BCAT1: variants seen among roughly 807,000 people sequenced by gnomAD.
BCAT1 encodes the protein branched chain amino acid transaminase 1, also known as branched-chain-amino-acid aminotransferase, cytosolic.
In BCAT1, 48 loss-of-function variants were observed where a neutral mutation model predicts 52.4. The ratio of observed to expected loss-of-function variants is 0.92; its 90% confidence interval spans 0.73 to 1.16. The LOEUF (loss-of-function observed/expected upper bound fraction) is 1.16, where lower values mean the gene tolerates loss of function less well. Ranked by LOEUF, BCAT1 falls within the 50% of genes most tolerant of loss-of-function variation. BCAT1 has a pLI of 0.00. For synonymous variants in BCAT1, 167 were observed against 161.3 expected, an observed-to-expected ratio of 1.04 and a Z score of -0.27; for missense variants, 451 against 457.1, an observed-to-expected ratio of 0.99 and a Z score of 0.12.
At chr12:24,827,266 G>A (rs1282708262) in intron 10 of BCAT1, among the ~76,000 whole-genome samples, 1 of 151,980 alleles carries the variant, frequency 6.6e-6, no homozygotes, top group African/African-American at 2.4e-5. Context: ...ATTATTTTCA[G>A]ATTTACTCAG....
rs939042683 is a variant in BCAT1 at position 24,814,334 on chromosome 12, C to A, written c.*3674G>T. On this transcript the variant is annotated 3_prime_UTR_variant, in exon 11 of 11. Transcript: ENST00000261192. ...TTGCTCTAAATGTTTTAGAAACTAT[C>A]ACTCTTTGAAAGTGAACAAACAATG... 6.6e-6 allele frequency: 1 copy of A among 151,782 alleles called. No individual in the cohort carries two copies. The highest frequency in any genetic ancestry group is 6.6e-5 in the Admixed American group (1 of 15,206). The allele number at this position is 151,782 out of a possible 1,614,324, so 9.4% of individuals were successfully genotyped here.
At position 24,821,286 on chromosome 12, in the gene BCAT1, A is replaced by G. The variant is rs117655895; in HGVS notation, c.1120-3237T>C. Among the ~76,000 whole-genome samples, 269 of 152,318 alleles carry G rather than the reference A, an allele frequency of 1.8e-3. 1 individual carries two copies. The highest frequency in any genetic ancestry group is 0.013 in the South Asian group (61 of 4,824). ...AATTCTATCTGGTGACCTGCAATCA[A>G]TACAGATCCTGCTCCTATCTCATTC... On this transcript the variant is annotated intron_variant, in intron 10 of 10. Coordinates refer to ENST00000261192, the MANE Select transcript of BCAT1 (RefSeq NM_005504.7).
intron 2 of BCAT1, among the ~76,000 whole-genome samples, chr12:24,897,794 C>G (rs1942993785): frequency 6.6e-6 from 1 of 151,984 alleles, no homozygotes; most frequent in Non-Finnish European, 1.5e-5. Flanking sequence ...CCTCAGGTGA[C>G]CCACCCACCT....
chr12:24,868,433 T>C (rs1942088264), intron 5 of BCAT1, among the ~76,000 whole-genome samples: 1 of 152,150 alleles, frequency 6.6e-6, no homozygotes, highest in Admixed American at 6.5e-5. Flanking sequence ...GTTCATAGTA[T>C]CACCACTATT....
chr12:24,818,198 CT>C, intron 10 of BCAT1, 149 bp from the exon 11 acceptor site: 1 of 738,708 alleles, frequency 1.4e-6, no homozygotes, highest in Non-Finnish European at 2.3e-6. Flanking sequence ...ACATTAAAAA[CT>C]GGATTAGAGA....
chr12:24,884,127 A>G (rs1441393402), intron 3 of BCAT1, among the ~76,000 whole-genome samples: 2 of 152,240 alleles, frequency 1.3e-5, no homozygotes, highest in Non-Finnish European at 2.9e-5. Context: ...TGAATCGATA[A>G]AGAAAATGTG....
rs368852154 is a variant in BCAT1, at chr12:24,866,276, G to A, written c.510+12254C>T. Reference sequence around the variant, plus strand: ...CCAGCAGTGCTGGCCCACCGGCGCCGCGCTAGATTTCTCGCCGGGCCAGAT... The same window carrying A: ...CCAGCAGTGCTGGCCCACCGGCGCCACGCTAGATTTCTCGCCGGGCCAGAT... On this transcript the variant is annotated intron_variant, in intron 5 of 10. Coordinates refer to ENST00000261192, the MANE Select transcript of BCAT1 (RefSeq NM_005504.7). 2.5e-4 allele frequency among the ~76,000 whole-genome samples: 38 copies of A among 152,350 alleles called. No individual in the cohort carries two copies. In the East Asian group the frequency reaches 4.8e-3, roughly 19 times the overall value.
At chr12:24,861,530 G>C (rs112506935) in intron 5 of BCAT1, among the ~76,000 whole-genome samples, 4,655 of 152,236 alleles carry the variant, frequency 0.031, 123 homozygotes, top group Non-Finnish European at 0.043. Flanking sequence ...TCACCATACT[G>C]ATGCTTTCTC....
intron 1 of BCAT1, among the ~76,000 whole-genome samples, chr12:24,925,446 T>TTATAGA (rs935677645): frequency 1.3e-5 from 2 of 152,248 alleles, no homozygotes; most frequent in East Asian, 3.9e-4. Context: ...GATAGAAAGA[T>TTATAGA]TATAGATATA....
chr12:24,844,638 C>T lies in BCAT1; in HGVS notation c.675-2414G>A, dbSNP rs192525337. 4.0e-3 allele frequency among the ~76,000 whole-genome samples: 613 copies of T among 151,968 alleles called. 5 individuals are homozygous for T. Among genetic ancestry groups the T allele is most frequent in the African/African-American group, 0.014 (577 of 41,464 alleles). On this transcript the variant is annotated intron_variant, in intron 6 of 10. Transcript: ENST00000261192. Reference sequence around the variant, plus strand: ...AAAGGGCCAGGCGCGGTGGCTCACGCCTGTAATCCCAGCACTTTGGGAGGC... The same window carrying T: ...AAAGGGCCAGGCGCGGTGGCTCACGTCTGTAATCCCAGCACTTTGGGAGGC...
chr12:24,825,135 G>A (rs940167103), intron 10 of BCAT1, among the ~76,000 whole-genome samples: 352 of 146,548 alleles, frequency 2.4e-3, no homozygotes, highest in African/African-American at 7.9e-3. Flanking sequence ...GTGTGTGTGT[G>A]TATATATATA....
At chr12:24,826,317 G>A (rs1378482695) in intron 10 of BCAT1, among the ~76,000 whole-genome samples, 2 of 152,146 alleles carry the variant, frequency 1.3e-5, no homozygotes, top group African/African-American at 2.4e-5. Context: ...TTCTGTGTAT[G>A]GTAAGAGAAG....
chr12:24,890,180 T>A lies in BCAT1; in HGVS notation c.279+4095A>T, dbSNP rs116405538. 7.5e-3 allele frequency among the ~76,000 whole-genome samples: 1,141 copies of A among 152,288 alleles called. 9 individuals carry two copies. Among genetic ancestry groups the A allele is most frequent in the African/African-American group, 0.027 (1,103 of 41,554 alleles). On this transcript the variant is annotated intron_variant, in intron 3 of 10. Coordinates refer to ENST00000261192, the MANE Select transcript of BCAT1 (RefSeq NM_005504.7). ...GTCATGGGAACTCCAACTTGATGCC[T>A]CTCAGTCAGACATTCCAGAGGACAG...
chr12:24,835,763 G>A (rs1035558843), intron 8 of BCAT1, among the ~76,000 whole-genome samples: 1 of 151,782 alleles, frequency 6.6e-6, no homozygotes, highest in African/African-American at 2.4e-5. Context: ...TAATGTTTTT[G>A]ATTTTTTTGT....
intron 5 of BCAT1, among the ~76,000 whole-genome samples, chr12:24,858,378 G>C (rs1031097081): frequency 6.6e-6 from 1 of 152,176 alleles, no homozygotes; most frequent in Admixed American, 6.5e-5. Context: ...GGGAAATAAA[G>C]AGAATCAAAT....
Position 24,813,943 on chromosome 12 carries a change from T to G in BCAT1, c.*4065A>C, listed in dbSNP as rs575046213. Reference sequence around the variant, plus strand: ...TTCTTAAAACTAACTTCCTAATCTCTATTGTTGGTTATGTCAACATTTATC... The same window carrying G: ...TTCTTAAAACTAACTTCCTAATCTCGATTGTTGGTTATGTCAACATTTATC... On this transcript the variant is annotated 3_prime_UTR_variant, in exon 11 of 11. Coordinates refer to ENST00000261192, the MANE Select transcript of BCAT1 (RefSeq NM_005504.7). The G allele has an allele frequency of 6.6e-6, 1 of 152,240 alleles. No individual in the cohort carries two copies. Among genetic ancestry groups the G allele is most frequent in the Admixed American group, 6.5e-5 (1 of 15,278 alleles). 9.4% of individuals were successfully genotyped at this position (152,240 alleles called of 1,614,324 possible). A position where few individuals can be genotyped will look rare whatever the true frequency, so the allele number is the denominator to read the frequency against.
At chr12:24,943,768 A>C (rs1450247360) in intron 1 of BCAT1, among the ~76,000 whole-genome samples, 2 of 152,116 alleles carry the variant, frequency 1.3e-5, no homozygotes, top group Non-Finnish European at 2.9e-5. Context: ...GCAGATCACG[A>C]GGTCAGGAGA....
chr12:24,867,640 C>T (rs1169056307), intron 5 of BCAT1, among the ~76,000 whole-genome samples: 5 of 152,268 alleles, frequency 3.3e-5, no homozygotes, highest in Non-Finnish European at 7.4e-5. Flanking sequence ...GACTATTAAA[C>T]AAAAGCAAGT....
At chr12:24,883,835 C>G (rs1316526000) in intron 3 of BCAT1, among the ~76,000 whole-genome samples, 1 of 152,130 alleles carries the variant, frequency 6.6e-6, no homozygotes. Context: ...CTGCAATGCA[C>G]AGTTCACAAT....
Sources: allele counts gnomAD v4.1 joint callset (sites outside exome capture counted in the v4.1 genomes callset), GRCh38; gene constraint gnomAD v4.1.1; transcripts MANE v1.5; gene names NCBI Gene and HGNC (gene_info 2026-07-23, HGNC 2026-07-21).